The following SORBS2 variants were observed in gnomAD, a reference collection of about 807,000 sequenced individuals.
SORBS2 encodes sorbin and SH3 domain-containing protein 2.
SORBS2 carries 46 observed loss-of-function variants against 97.7 expected under a neutral mutation model. The ratio of observed to expected loss-of-function variants is 0.47; its 90% CI spans 0.37 to 0.60. The LOEUF is 0.60. SORBS2 is among the 20% of genes least tolerant of loss of function. SORBS2 has a pLI of 0.00. For missense variants in SORBS2, 1,316 were observed against 1,282.3 expected (o/e 1.03, Z -0.40); for synonymous variants, 476 against 473.4 (o/e 1.01, Z -0.07).
At chr4:185,909,568 A>T (rs2099253687) in intron 1 of SORBS2, among the ~76,000 whole-genome samples, 1 of 140,910 alleles carries the variant, frequency 7.1e-6, no homozygotes, top group South Asian at 2.3e-4. Context: ...GGGTAAAAAA[A>T]AGAAAAAATA....
intron 2 of SORBS2, among the ~76,000 whole-genome samples, chr4:185,685,684 G>T (rs898940778): frequency 6.6e-6 from 1 of 151,962 alleles, no homozygotes; most frequent in African/African-American, 2.4e-5. Context: ...GGCACACACC[G>T]GCTAACGTTT....
At chr4:185,731,832 T>TTCTCTCTC (rs1201714307) in intron 2 of SORBS2, among the ~76,000 whole-genome samples, 75 of 33,254 alleles carry the variant, frequency 2.3e-3, no homozygotes, top group East Asian at 4.7e-3. Context: ...GTCTCTCTCT[T>TTCTCTCTC]TCTCTCTCTC....
chr4:185,852,330 C>G (rs1272915363), intron 1 of SORBS2, among the ~76,000 whole-genome samples: 1 of 152,190 alleles, frequency 6.6e-6, no homozygotes, highest in Non-Finnish European at 1.5e-5. Flanking sequence ...GTTCACCAAC[C>G]TCAATGCTAC....
intron 11 of SORBS2, 63 bp from the exon 24 acceptor site, chr4:185,612,043 T>C (rs2096546821): frequency 8.5e-7 from 1 of 1,179,552 alleles, no homozygotes; most frequent in South Asian, 1.4e-5. Flanking sequence ...AATATAATTG[T>C]CAATGTTTTC....
At chr4:185,893,710 C>A (rs907844908) in intron 1 of SORBS2, among the ~76,000 whole-genome samples, 1 of 152,022 alleles carries the variant, frequency 6.6e-6, no homozygotes, top group Non-Finnish European at 1.5e-5. Context: ...CCATTCCAGG[C>A]GATGGAAGGA....
At chr4:185,899,018 A>G (rs1007954188) in intron 1 of SORBS2, among the ~76,000 whole-genome samples, 3 of 152,146 alleles carry the variant, frequency 2.0e-5, no homozygotes, top group Non-Finnish European at 4.4e-5. Flanking sequence ...TCAAGCAAGG[A>G]ACCTAAAATC....
At chr4:185,747,356 G>C (rs370716824) in intron 2 of SORBS2, among the ~76,000 whole-genome samples, 2 of 152,240 alleles carry the variant, frequency 1.3e-5, no homozygotes, top group East Asian at 3.9e-4. Context: ...GGCTTTAAAC[G>C]ATGAACAAGG....
rs1364770380 is a variant in SORBS2 at position 185,618,156 on chromosome 4, G to A, written c.2351+429C>T. On this transcript the variant is annotated intron_variant, in intron 9 of 14. Transcript: ENST00000418609. Reference sequence around the variant, plus strand: ...TGCCTAGCTAATTTTTGTATTTTTTGTAGAGACATGGTTTTGCCATGTTGC... The same window carrying A: ...TGCCTAGCTAATTTTTGTATTTTTTATAGAGACATGGTTTTGCCATGTTGC... Among the ~76,000 whole-genome samples, 24 of 151,954 alleles carry A rather than the reference G, an allele frequency of 1.6e-4. 1 individual carries two copies. Among genetic ancestry groups the A allele is most frequent in the Admixed American group, 1.6e-3 (24 of 15,256 alleles).
At chr4:185,817,773 T>C (rs1439140110) in intron 1 of SORBS2, among the ~76,000 whole-genome samples, 1 of 152,232 alleles carries the variant, frequency 6.6e-6, no homozygotes. Context: ...ACTGGGCAGC[T>C]TCCGTAAACT....
chr4:185,754,673 A>G (rs766676619), intron 2 of SORBS2, among the ~76,000 whole-genome samples: 42 of 152,298 alleles, frequency 2.8e-4, no homozygotes, highest in Non-Finnish European at 1.6e-4. Flanking sequence ...AAAATGGAAT[A>G]TCCAGTGCAG....
chr4:185,787,825 G>A (rs75054682), intron 1 of SORBS2, among the ~76,000 whole-genome samples: 12,355 of 152,232 alleles, frequency 0.081, 556 homozygotes, highest in South Asian at 0.14. Context: ...CTTTCAGGAC[G>A]AGTGTTATAG....
At chr4:185,651,637 C>T (rs4862557) in intron 2 of SORBS2, 147 bp downstream of exon 11, 652,775 of 667,492 alleles carry the variant, frequency 0.98, 319,382 homozygotes, top group Non-Finnish European at 0.99. Flanking sequence ...TTGTTATGCA[C>T]GCTCTGAGAA....
chr4:185,853,070 C>T (rs1561235917), intron 1 of SORBS2, among the ~76,000 whole-genome samples: 1 of 152,110 alleles, frequency 6.6e-6, no homozygotes, highest in Non-Finnish European at 1.5e-5. Context: ...TGTGTATGTA[C>T]AGCATGTAAA....
chr4:185,928,739 G>C (rs966381409), intron 1 of SORBS2, among the ~76,000 whole-genome samples: 1 of 152,088 alleles, frequency 6.6e-6, no homozygotes, highest in Non-Finnish European at 1.5e-5. Flanking sequence ...GTAGAGACGG[G>C]GTTTCACCGT....
chr4:185,673,606 CT>C (rs1363743519), intron 4 of SORBS2, among the ~76,000 whole-genome samples: 1 of 152,156 alleles, frequency 6.6e-6, no homozygotes, highest in African/African-American at 2.4e-5. Context: ...CCTTATATGC[CT>C]TACTCAAACC....
intron 2 of SORBS2, among the ~76,000 whole-genome samples, chr4:185,736,019 T>C (rs1398509411): frequency 6.6e-6 from 1 of 152,194 alleles, no homozygotes; most frequent in African/African-American, 2.4e-5. Flanking sequence ...CATTTGTGGA[T>C]GGAGAAGCAG....
chr4:185,691,890 A>T (rs368367278), intron 2 of SORBS2, among the ~76,000 whole-genome samples: 1 of 152,074 alleles, frequency 6.6e-6, no homozygotes, highest in African/African-American at 2.4e-5. Context: ...GACTACAGGC[A>T]CCCGCCACCA....
At chr4:185,736,067 G>A (rs1398469307) in intron 2 of SORBS2, among the ~76,000 whole-genome samples, 2 of 152,156 alleles carry the variant, frequency 1.3e-5, no homozygotes, top group Admixed American at 1.3e-4. Context: ...GGTCTCAGGG[G>A]TGGGGTGGGG....
intron 1 of SORBS2, among the ~76,000 whole-genome samples, chr4:185,837,896 T>A (rs955491113): frequency 6.6e-6 from 1 of 152,116 alleles, no homozygotes; most frequent in Non-Finnish European, 1.5e-5. Context: ...CTGGATTCTT[T>A]TGTAGGGCTG....
Sources: allele counts gnomAD v4.1 joint callset (sites outside exome capture counted in the v4.1 genomes callset), GRCh38; gene constraint gnomAD v4.1.1; transcripts MANE v1.5; gene names NCBI Gene and HGNC (gene_info 2026-07-23, HGNC 2026-07-21).